The following ATP6V1A variants were observed in gnomAD, a reference collection of about 807,000 sequenced individuals.
ATP6V1A encodes the protein V-type proton ATPase catalytic subunit A.
ATP6V1A carries 18 observed loss-of-function variants against 70.1 expected under a neutral mutation model. The observed-to-expected ratio is 0.26, with a 90% CI of 0.18 to 0.38. ATP6V1A has a LOEUF of 0.38. Among genes scored for constraint, ATP6V1A ranks in the 10% least tolerant of loss-of-function variants. The pLI is 1.00. For synonymous variants in ATP6V1A, 232 were observed against 253.8 expected (o/e 0.91, Z 0.82); for missense variants, 424 against 772.4 (o/e 0.55, Z 5.35).
intron 11 of ATP6V1A, among the ~76,000 whole-genome samples, chr3:113,796,178 T>C (rs1165870478): frequency 6.6e-6 from 1 of 152,174 alleles, no homozygotes; most frequent in Non-Finnish European, 1.5e-5. Flanking sequence ...GTGGAAAATA[T>C]AGGTAGCAAA....
intron 1 of ATP6V1A, among the ~76,000 whole-genome samples, chr3:113,748,992 A>T (rs752560304): frequency 5.9e-5 from 9 of 152,176 alleles, no homozygotes; most frequent in African/African-American, 9.7e-5. Flanking sequence ...AGAATTCCTT[A>T]TGTGGTCTGG....
intron 5 of ATP6V1A, among the ~76,000 whole-genome samples, chr3:113,785,174 G>T (rs891633575): frequency 6.6e-6 from 1 of 152,200 alleles, no homozygotes; most frequent in African/African-American, 2.4e-5. Context: ...GGGCATGTAG[G>T]CTCACGCCTG....
intron 1 of ATP6V1A, among the ~76,000 whole-genome samples, chr3:113,755,486 C>A (rs1037259283): frequency 6.6e-6 from 1 of 151,586 alleles, no homozygotes; most frequent in African/African-American, 2.4e-5. Context: ...ATCTAGTTCC[C>A]GCTATTCGGG....
chr3:113,773,612 A>G (rs926042613), intron 1 of ATP6V1A, among the ~76,000 whole-genome samples: 1 of 152,200 alleles, frequency 6.6e-6, no homozygotes, highest in Non-Finnish European at 1.5e-5. Flanking sequence ...AAGGGAAAGT[A>G]TGTAAATAAA....
chr3:113,806,331 A>G lies in ATP6V1A; in HGVS notation c.1761+806A>G, dbSNP rs1709276080. Among the ~76,000 whole-genome samples, 2 of 152,328 alleles carry G rather than the reference A, an allele frequency of 1.3e-5. 1 individual carries two copies. Among genetic ancestry groups the G allele is most frequent in the South Asian group, 4.1e-4 (2 of 4,826 alleles). Reference sequence around the variant, plus strand: ...TTTTGTCTTAGTTGCCAGGCAAATTAGAGCTTACTTCATAGCTGAGCAACA... The same window carrying G: ...TTTTGTCTTAGTTGCCAGGCAAATTGGAGCTTACTTCATAGCTGAGCAACA... On this transcript the variant is annotated intron_variant, in intron 14 of 14. Coordinates refer to ENST00000273398, the MANE Select transcript of ATP6V1A (RefSeq NM_001690.4).
At chr3:113,759,859 C>T (rs1473898554) in intron 1 of ATP6V1A, among the ~76,000 whole-genome samples, 1 of 152,170 alleles carries the variant, frequency 6.6e-6, no homozygotes, top group African/African-American at 2.4e-5. Flanking sequence ...CTACTATGTG[C>T]CAAGGCATTT....
intron 5 of ATP6V1A, 34 bp from the exon 6 acceptor site, chr3:113,786,198 T>G: frequency 6.4e-7 from 1 of 1,556,804 alleles, no homozygotes. Flanking sequence ...GTTCACAAAT[T>G]TGACCATACT....
intron 11 of ATP6V1A, among the ~76,000 whole-genome samples, chr3:113,797,185 C>T (rs1709161409): frequency 6.6e-6 from 1 of 151,926 alleles, no homozygotes; most frequent in Non-Finnish European, 1.5e-5. Context: ...GATCCACCCG[C>T]CTCAGCCTCC....
Position 113,778,787 on chromosome 3 carries a change from G to A in ATP6V1A, c.34G>A (p.Glu12Lys). ...DFSKLPKILD[E>K]DKESTFGYVH... ...TTCCAAGCTACCCAAAATACTCGAT[G>A]AAGATAAAGAAAGCACATTTGGTTA... Residue 12 changes from glutamate (E) to lysine (K), a missense_variant, in exon 2 of 15, where the codon GAA becomes AAA. Physicochemically the swap from Glu to Lys is moderately conservative, Grantham distance 56 (BLOSUM62 1). Coordinates refer to ENST00000273398, the MANE Select transcript of ATP6V1A (RefSeq NM_001690.4). 6.3e-7 allele frequency: 1 copy of A among 1,594,634 alleles called. No individual in the cohort carries two copies. The highest frequency in any genetic ancestry group is 8.5e-7 in the Non-Finnish European group (1 of 1,170,904).
intron 1 of ATP6V1A, among the ~76,000 whole-genome samples, chr3:113,752,654 A>C (rs1021385479): frequency 2.0e-5 from 3 of 152,040 alleles, no homozygotes; most frequent in African/African-American, 7.2e-5. Flanking sequence ...TTTAATTTTA[A>C]GTATATAAGT....
chr3:113,782,637 T>G (rs972240381), intron 3 of ATP6V1A, among the ~76,000 whole-genome samples: 1 of 149,582 alleles, frequency 6.7e-6, no homozygotes, highest in Non-Finnish European at 1.5e-5. Flanking sequence ...GTTTGTTTGC[T>G]TTTTGAGACA....
intron 12 of ATP6V1A, among the ~76,000 whole-genome samples, chr3:113,803,136 A>G (rs559961374): frequency 6.6e-6 from 1 of 152,368 alleles, no homozygotes; most frequent in Non-Finnish European, 1.5e-5. Flanking sequence ...CTTTGAGGGC[A>G]TTATGCTAAG....
intron 1 of ATP6V1A, among the ~76,000 whole-genome samples, chr3:113,751,982 T>C (rs1218153198): frequency 6.6e-6 from 1 of 151,904 alleles, no homozygotes; most frequent in Non-Finnish European, 1.5e-5. Flanking sequence ...GGAAACACTT[T>C]CTTATATCTT....
intron 11 of ATP6V1A, among the ~76,000 whole-genome samples, 159 bp downstream of exon 11, chr3:113,796,098 A>G (rs2712351): frequency 1.3e-3 from 192 of 152,324 alleles, no homozygotes; most frequent in African/African-American, 4.0e-3. Flanking sequence ...CTTAACACAG[A>G]GCCTTTAATA....
chr3:113,759,292 T>TTG lies in ATP6V1A; in HGVS notation c.-14+12180_-14+12181insGT, dbSNP rs1553707824. Among the ~76,000 whole-genome samples, 22 of 151,450 alleles carry TTG rather than the reference T, an allele frequency of 1.5e-4. 1 individual carries two copies. Among genetic ancestry groups the TTG allele is most frequent in the East Asian group, 1.9e-4 (1 of 5,196 alleles). On this transcript the variant is annotated intron_variant, in intron 1 of 14. Transcript: ENST00000273398. ...ATTTTTCTATATAGTTACGGGTTTT[T>TTG]TTTTTTTTTTGCATTTTATGTATAC... is the stretch of plus-strand genomic sequence containing the variant.
intron 1 of ATP6V1A, among the ~76,000 whole-genome samples, chr3:113,778,502 GTC>G (rs1708941416): frequency 6.6e-6 from 1 of 152,204 alleles, no homozygotes; most frequent in African/African-American, 2.4e-5. Flanking sequence ...GAGTCCAGGA[GTC>G]TGAGGCTGCA....
intron 1 of ATP6V1A, among the ~76,000 whole-genome samples, chr3:113,749,857 C>G (rs1289047440): frequency 1.3e-5 from 2 of 152,150 alleles, no homozygotes; most frequent in East Asian, 3.8e-4. Context: ...TAAATATAAA[C>G]TGGTAATAAC....
intron 14 of ATP6V1A, among the ~76,000 whole-genome samples, chr3:113,807,715 G>A (rs1709292353): frequency 1.3e-5 from 2 of 152,124 alleles, no homozygotes; most frequent in Non-Finnish European, 2.9e-5. Context: ...TAGTAATGAT[G>A]ATTTCTATTT....
Position 113,786,214 on chromosome 3 carries a change from C to A in ATP6V1A, c.565-18C>A, listed in dbSNP as rs1709038493. 6.3e-7 allele frequency: 1 copy of A among 1,587,500 alleles called. No homozygotes were observed. The highest frequency in any genetic ancestry group is 8.6e-7 in the Non-Finnish European group (1 of 1,163,172). ...TTCACAAATTTGACCATACTAAAAT[C>A]CTACTGTATTTCTATAGGATGTTGT... On this transcript the variant is annotated intron_variant, in intron 5 of 14. Coordinates refer to ENST00000273398, the MANE Select transcript of ATP6V1A (RefSeq NM_001690.4).
Sources: allele counts gnomAD v4.1 joint callset (sites outside exome capture counted in the v4.1 genomes callset), GRCh38; gene constraint gnomAD v4.1.1; transcripts MANE v1.5; gene names NCBI Gene and HGNC (gene_info 2026-07-23, HGNC 2026-07-21).